ZNF185: variants seen among roughly 807,000 people sequenced by gnomAD.
The protein encoded by ZNF185 is zinc finger protein 185.
ZNF185 carries 56 observed loss-of-function variants against 58.6 expected under a neutral mutation model. The ratio of observed to expected loss-of-function variants is 0.95; its 90% CI spans 0.77 to 1.19. The LOEUF is 1.19. ZNF185 is among the 50% of genes most tolerant of loss of function. The probability of loss-of-function intolerance (pLI) is 0.00; values close to 1 mark genes in which losing one functional copy is unlikely to be tolerated. For synonymous variants in ZNF185, 230 were observed against 215.9 expected (o/e 1.07, Z -0.57); for missense variants, 627 against 573.5 (o/e 1.09, Z -0.95).
Position 152,915,155 on chromosome X carries a change from G to A in ZNF185, c.176G>A (p.Arg59Gln), listed in dbSNP as rs782710318. 25 of 1,208,787 alleles carry A rather than the reference G, an allele frequency of 2.1e-5. No homozygotes were observed. The highest frequency in any genetic ancestry group is 2.3e-4 in the Middle Eastern group (1 of 4,349). ...TCCCCCAGAGAGCTGCCCTCAGGCC[G>A]GAGTCGCGCCACATCCTTTTCATCA... Residue 59 changes from arginine to glutamine, a missense_variant, in exon 3 of 23, where the codon CGG becomes CAG. Transcript: ENST00000449285.
chrX:152,972,438 G>A (rs2050704402), exon 23 of ZNF185: 1 of 109,704 alleles, frequency 9.1e-6, no homozygotes, highest in African/African-American at 3.4e-5. Flanking sequence ...GGGCATCCTG[G>A]ATCCCTGAAT....
intron 19 of ZNF185, 151 bp from the exon 22 acceptor site, chrX:152,967,016 C>A (rs782359732): frequency 2.0e-6 from 1 of 499,889 alleles, no homozygotes; most frequent in Non-Finnish European, 3.3e-6. Context: ...CTTTGCCCCC[C>A]CATAGAAGGG....
chrX:152,963,366 A>G (rs1450424495), intron 17 of ZNF185, among the ~76,000 whole-genome samples: 2 of 112,603 alleles, frequency 1.8e-5, no homozygotes, highest in East Asian at 5.6e-4. Flanking sequence ...TTTCCTCCTC[A>G]ATGATGCCTA....
chrX:152,933,997 G>A (rs1197439265), intron 14 of ZNF185, among the ~76,000 whole-genome samples: 1 of 112,818 alleles, frequency 8.9e-6, no homozygotes, highest in Non-Finnish European at 1.9e-5. Context: ...GGTCCAAGGA[G>A]AGGCCACCAG....
chrX:152,899,032 G>T, the ZNF185 span, among the ~76,000 whole-genome samples: 7 of 112,052 alleles, frequency 6.2e-5, no homozygotes, highest in Non-Finnish European at 1.1e-4. Flanking sequence ...TGGGGACTCA[G>T]ATAAAGTAGG....
At chrX:152,926,956 C>T (rs1182250348) in intron 11 of ZNF185, among the ~76,000 whole-genome samples, 2 of 112,316 alleles carry the variant, frequency 1.8e-5, no homozygotes, top group Non-Finnish European at 3.8e-5. Flanking sequence ...TCCTGGCTTG[C>T]GCCCGCCTCA....
At chrX:152,963,345 G>T (rs1247637291) in intron 17 of ZNF185, among the ~76,000 whole-genome samples, 9 of 112,903 alleles carry the variant, frequency 8.0e-5, no homozygotes, top group African/African-American at 2.2e-4. Flanking sequence ...TGGGAATGAG[G>T]TGCATCTGAC....
the ZNF185 span, among the ~76,000 whole-genome samples, chrX:152,903,926 C>T: frequency 1.8e-4 from 20 of 111,378 alleles, no homozygotes; most frequent in Admixed American, 1.4e-3. Flanking sequence ...CCAGTGCAGA[C>T]GCCGAGAAGT....
At chrX:152,919,197 A>G in intron 7 of ZNF185, 116 bp downstream of exon 8, 1 of 562,763 alleles carries the variant, frequency 1.8e-6, no homozygotes, top group Non-Finnish European at 3.0e-6. Context: ...CACGTAGGCC[A>G]TCAGCGGTAG....
At chrX:152,967,195 A>G (rs2050205604) in exon 20 of ZNF185, 2 of 1,211,746 alleles carry the variant, frequency 1.7e-6, no homozygotes, top group African/African-American at 1.7e-5. Flanking sequence ...CTCATTCGCC[A>G]TGGAGAAGAA....
chrX:152,931,594 G>A (rs981629538), intron 12 of ZNF185, 78 bp from the exon 14 acceptor site: 32 of 882,665 alleles, frequency 3.6e-5, no homozygotes, highest in South Asian at 7.7e-5. Flanking sequence ...GACAGCTGGC[G>A]TTTGAGGATG....
intron 16 of ZNF185, among the ~76,000 whole-genome samples, chrX:152,956,512 G>A (rs1157214551): frequency 2.7e-5 from 3 of 111,949 alleles, no homozygotes; most frequent in African/African-American, 9.8e-5. Context: ...GCCGAGGCAG[G>A]CGGATAACCT....
At chrX:152,928,480 G>A in intron 11 of ZNF185, 95 bp from the exon 13 acceptor site, 1 of 870,866 alleles carries the variant, frequency 1.1e-6, no homozygotes. Flanking sequence ...ATCAAAAGGG[G>A]GCAGTGGGTC....
chrX:152,913,784 C>T (rs1300130460), upstream of ZNF185, among the ~76,000 whole-genome samples: 6 of 112,526 alleles, frequency 5.3e-5, no homozygotes, highest in African/African-American at 1.9e-4. Flanking sequence ...AGAGCTACTG[C>T]TGCTTGGCTC....
intron 15 of ZNF185, chrX:152,941,675 C>T: frequency 1.7e-6 from 2 of 1,162,594 alleles, no homozygotes; most frequent in South Asian, 1.9e-5. Context: ...GGTCGCAGTG[C>T]CCGCCGGGAA....
chrX:152,969,866 G>T (rs138061179), intron 21 of ZNF185, among the ~76,000 whole-genome samples: 54 of 112,453 alleles, frequency 4.8e-4, no homozygotes, highest in African/African-American at 1.7e-3. Flanking sequence ...AGGCCTTGGC[G>T]GGCACAGAGT....
chrX:152,945,261 C>T lies in ZNF185; in HGVS notation c.1212-6C>T, dbSNP rs782308689. On this transcript the variant is annotated splice_polypyrimidine_tract_variant and splice_region_variant and intron_variant, in intron 15 of 22. Transcript: ENST00000449285. The stretch of plus-strand genomic sequence containing the variant: ...TTTTTTCATAAGGGTGCTTATTCTT[C>T]TTCAGGGCCTTGGCTGATTATGAGG... The T allele has an allele frequency of 4.2e-6, 5 of 1,204,240 alleles. No individual in the cohort carries two copies. The Admixed American group carries it at 1.1e-4, about 27-fold the overall frequency.
intron 22 of ZNF185, among the ~76,000 whole-genome samples, 180 bp from the exon 25 acceptor site, chrX:152,971,094 G>T (rs1271785587): frequency 1.8e-5 from 2 of 111,959 alleles, no homozygotes; most frequent in East Asian, 5.6e-4. Flanking sequence ...GCACAGAGCA[G>T]AATATATCCC....
chrX:152,911,601 GCCCACCCCA>G (rs1398257957), upstream of ZNF185, among the ~76,000 whole-genome samples: 4 of 61,522 alleles, frequency 6.5e-5, no homozygotes, highest in African/African-American at 2.9e-4. Context: ...AACCTCATTT[GCCCACCCCA>G]CCCACCCCAC....
Sources: gnomAD v4.1 joint callset for allele counts (sites outside exome capture counted in the v4.1 genomes callset) on GRCh38, gnomAD v4.1.1 for gene constraint, MANE v1.5 for transcripts, NCBI Gene and HGNC (gene_info 2026-07-23, HGNC 2026-07-21) for gene names.